Variants in ACSL5 observed in about 807,000 individuals in gnomAD.
ACSL5 encodes acyl-CoA synthetase long chain family member 5.
In ACSL5, 50 loss-of-function variants were observed where a neutral mutation model predicts 84.9. The ratio of observed to expected loss-of-function variants is 0.59; its 90% CI spans 0.47 to 0.75. ACSL5 has a LOEUF of 0.75. ACSL5 is among the 30% of genes least tolerant of loss of function. The pLI, the probability that ACSL5 is intolerant of heterozygous loss-of-function variation, is 0.00. For synonymous variants in ACSL5, 280 were observed against 300.7 expected (o/e 0.93, Z 0.71); for missense variants, 775 against 830.4 (o/e 0.93, Z 0.82).
Position 112,394,801 on chromosome 10 carries a change from C to T in ACSL5, c.-29-117C>T, listed in dbSNP as rs560530576. The T allele has an allele frequency of 1.8e-4, 275 of 1,500,440 alleles. 5 individuals carry two copies. In the East Asian group the frequency reaches 5.9e-3, roughly 32 times the overall value. 92.9% of individuals were successfully genotyped at this position (1,500,440 alleles called of 1,614,324 possible). On this transcript the variant is annotated intron_variant, in intron 1 of 20. Transcript: ENST00000354655. ...ACAACTGTGTTTGAGGGTTTGAAGG[C>T]GTGCGCGCGTGTGTGTGTGTATGTG...
At chr10:112,406,751 A>G (rs1844047938) in intron 5 of ACSL5, 2 of 152,226 alleles carry the variant, frequency 1.3e-5, no homozygotes, top group African/African-American at 4.8e-5. Flanking sequence ...GAAACTTACA[A>G]TCATGGCGGA....
chr10:112,390,841 A>G (rs143081281), intron 1 of ACSL5, among the ~76,000 whole-genome samples: 1 of 152,246 alleles, frequency 6.6e-6, no homozygotes, highest in African/African-American at 2.4e-5. Flanking sequence ...GGTTTCATTT[A>G]TATGAAATAT....
At chr10:112,387,455 G>C (rs544222099) in intron 1 of ACSL5, among the ~76,000 whole-genome samples, 2 of 152,104 alleles carry the variant, frequency 1.3e-5, no homozygotes, top group Non-Finnish European at 2.9e-5. Context: ...CATTACTTTT[G>C]GGTTTGTCTA....
chr10:112,413,353 C>T (rs369397043), intron 12 of ACSL5, 46 bp downstream of exon 12: 49 of 1,606,174 alleles, frequency 3.1e-5, no homozygotes, highest in Admixed American at 5.0e-5. Flanking sequence ...TGGGCCTGCA[C>T]GAAGGAACTC....
At chr10:112,411,782 T>C in intron 10 of ACSL5, 120 bp from the exon 11 acceptor site, 1 of 970,752 alleles carries the variant, frequency 1.0e-6, no homozygotes, top group Non-Finnish European at 1.6e-6. Flanking sequence ...ATCTACACAG[T>C]GTACCGCCTA....
At chr10:112,396,924 A>G (rs1843759788) in intron 2 of ACSL5, among the ~76,000 whole-genome samples, 1 of 152,198 alleles carries the variant, frequency 6.6e-6, no homozygotes, top group South Asian at 2.1e-4. Context: ...GTCCTAGACT[A>G]AGTCAGATCT....
chr10:112,398,999 C>G lies in ACSL5; in HGVS notation c.255C>G (p.Leu85=). Reference sequence around the variant, plus strand: ...TGTATGAGGTTTTCCAAAGAGGACTCGCTGTGTCTGGTAAGCCTGGTGGTC... The same window carrying G: ...TGTATGAGGTTTTCCAAAGAGGACTGGCTGTGTCTGGTAAGCCTGGTGGTC... ...KTMYEVFQRG[L]AVSDNGPCLG... The change falls in exon 3 of 21, where the codon CTC becomes CTG. Residue 85 remains leucine, a synonymous_variant. Coordinates refer to ENST00000354655, the MANE Select transcript of ACSL5 (RefSeq NM_203379.2). 6.2e-7 allele frequency: 1 copy of G among 1,613,412 alleles called. No homozygotes were observed. Among genetic ancestry groups the G allele is most frequent in the Non-Finnish European group, 8.5e-7 (1 of 1,179,470 alleles).
intron 1 of ACSL5, among the ~76,000 whole-genome samples, chr10:112,381,710 T>C (rs1849354544): frequency 6.7e-6 from 1 of 149,476 alleles, no homozygotes; most frequent in Non-Finnish European, 1.5e-5. Flanking sequence ...GGCTCACACC[T>C]GTAATCCCAG....
intron 1 of ACSL5, chr10:112,394,619 A>G (rs1843705499): frequency 1.8e-6 from 1 of 548,668 alleles, no homozygotes; most frequent in Non-Finnish European, 2.3e-6. Context: ...TTAAAAAGGC[A>G]GTCATTTCTC....
In ACSL5 at chr10:112,416,773, G is replaced by GT. The variant is rs1488677411; in HGVS notation, c.1084-114dup. 3.4e-6 allele frequency: 4 copies of GT among 1,164,808 alleles called. No homozygotes were observed. The African/African-American group carries it at 6.1e-5, about 18-fold the overall frequency. 72.2% of individuals were successfully genotyped at this position (1,164,808 alleles called of 1,614,324 possible). A position where few individuals can be genotyped will look rare whatever the true frequency, so the allele number is the denominator to read the frequency against. ...TTATTCAGCAATCCAATTCATGACT[G>GT]TGAGACTGTGAGACCACTTCCTTAT... is the stretch of plus-strand genomic sequence containing the variant. On this transcript the variant is annotated intron_variant, in intron 12 of 20. Transcript: ENST00000354655.
chr10:112,420,453 G>C (rs1489269343), intron 14 of ACSL5, among the ~76,000 whole-genome samples: 1 of 152,196 alleles, frequency 6.6e-6, no homozygotes, highest in Non-Finnish European at 1.5e-5. Context: ...TATTTTGGCA[G>C]AGTCAAGTTT....
At chr10:112,382,744 G>A (rs1247420194) in intron 1 of ACSL5, among the ~76,000 whole-genome samples, 2 of 152,156 alleles carry the variant, frequency 1.3e-5, no homozygotes, top group South Asian at 2.1e-4. Flanking sequence ...CCCTTTCTCT[G>A]CCAGCTGTCT....
intron 2 of ACSL5, among the ~76,000 whole-genome samples, chr10:112,395,342 C>G (rs1159244140): frequency 6.6e-6 from 1 of 152,132 alleles, no homozygotes; most frequent in Non-Finnish European, 1.5e-5. Flanking sequence ...TAGCCATGAA[C>G]AAAATCCATC....
intron 17 of ACSL5, among the ~76,000 whole-genome samples, chr10:112,422,963 C>T (rs1309643172): frequency 6.7e-5 from 10 of 148,178 alleles, no homozygotes; most frequent in East Asian, 2.0e-4. Flanking sequence ...CCGAGGCGGG[C>T]GGATCACAAG....
intron 5 of ACSL5, among the ~76,000 whole-genome samples, chr10:112,407,753 A>G (rs1190047313): frequency 6.6e-6 from 1 of 152,098 alleles, no homozygotes; most frequent in Non-Finnish European, 1.5e-5. Flanking sequence ...AAATCCTACT[A>G]GTCCTCTAAA....
intron 11 of ACSL5, 195 bp downstream of exon 11, chr10:112,412,174 G>C: frequency 1.7e-6 from 1 of 605,388 alleles, no homozygotes; most frequent in Non-Finnish European, 2.9e-6. Flanking sequence ...TGCTAAGTCT[G>C]CATGTGTCCA....
intron 11 of ACSL5, chr10:112,412,664 G>A (rs554138197): frequency 6.5e-6 from 1 of 152,808 alleles, no homozygotes; most frequent in African/African-American, 2.4e-5. Flanking sequence ...ATGCCAAAAT[G>A]CAAGATTCAG....
chr10:112,383,635 T>A (rs1849393928), intron 1 of ACSL5, among the ~76,000 whole-genome samples: 1 of 152,308 alleles, frequency 6.6e-6, no homozygotes, highest in East Asian at 1.9e-4. Flanking sequence ...CATGAGGGCT[T>A]GGAAGAGGCT....
intron 1 of ACSL5, among the ~76,000 whole-genome samples, chr10:112,386,706 C>T (rs532577838): frequency 2.0e-5 from 3 of 152,104 alleles, no homozygotes; most frequent in South Asian, 4.1e-4. Context: ...TGACAGGAAC[C>T]TTGAATATTT....
Sources: allele counts gnomAD v4.1 joint callset (sites outside exome capture counted in the v4.1 genomes callset), GRCh38; gene constraint gnomAD v4.1.1; transcripts MANE v1.5; gene names NCBI Gene and HGNC (gene_info 2026-07-23, HGNC 2026-07-21).